TAF4: variants seen among roughly 807,000 people sequenced by gnomAD.
TAF4 encodes TATA-box binding protein associated factor 4.
A neutral mutation model predicts 90.3 loss-of-function variants in TAF4; 9 were observed. That is an observed-to-expected ratio of 0.10 (90% CI 0.06 to 0.17). The LOEUF is 0.17. TAF4 is among the 10% of genes least tolerant of loss of function. The probability of loss-of-function intolerance (pLI) is 1.00; values close to 1 mark genes in which losing one functional copy is unlikely to be tolerated. For synonymous variants in TAF4, 818 were observed against 638.9 expected (o/e 1.28, Z -4.23); for missense variants, 1,351 against 1,370.7 (o/e 0.99, Z 0.23).
intron 1 of TAF4, chr20:62,064,189 C>G (rs2056107039): frequency 2.6e-6 from 1 of 388,992 alleles, no homozygotes. Context: ...CACTCCGAAA[C>G]AGACCAGCCC....
chr20:62,003,893 G>C lies in TAF4; in HGVS notation c.2224-15C>G. On this transcript the variant is annotated splice_polypyrimidine_tract_variant and intron_variant, in intron 7 of 14. Transcript: ENST00000252996. ...TGCTGGATGACCTGAGGCAGAGCCAGCAGAGAATGGTGAGCATGCTCCCCG... is the reference window on the plus strand; with the variant it reads ...TGCTGGATGACCTGAGGCAGAGCCACCAGAGAATGGTGAGCATGCTCCCCG... 1 of 1,539,338 alleles carries C rather than the reference G, an allele frequency of 6.5e-7. No individual in the cohort carries two copies. The highest frequency in any genetic ancestry group is 8.7e-7 in the Non-Finnish European group (1 of 1,146,954).
At chr20:62,019,844 C>A (rs769961015) in intron 1 of TAF4, among the ~76,000 whole-genome samples, 29 of 152,236 alleles carry the variant, frequency 1.9e-4, no homozygotes, top group Admixed American at 1.1e-3. Context: ...GTAGAGCATG[C>A]GAAGCTGTGC....
intron 14 of TAF4, among the ~76,000 whole-genome samples, chr20:61,994,380 C>T (rs1206765367): frequency 6.6e-6 from 1 of 152,210 alleles, no homozygotes; most frequent in Non-Finnish European, 1.5e-5. Flanking sequence ...GGAATCTGTA[C>T]TTACTTACTT....
chr20:62,063,797 G>C (rs1336897169), intron 1 of TAF4, among the ~76,000 whole-genome samples: 1 of 152,250 alleles, frequency 6.6e-6, no homozygotes. Flanking sequence ...CTCTCAGCAA[G>C]GCTGCGCGCC....
Position 62,064,480 on chromosome 20 carries a change from G to A in TAF4, c.1331C>T (p.Thr444Ile). Residue 444 changes from threonine (T) to isoleucine (I), a missense_variant, in exon 1 of 15, where the codon ACC (threonine) becomes ATC (isoleucine). Transcript: ENST00000252996. ...GGGCAGCTGGAAGTTCTGGATGTTG[G>A]TCGGGTTCTGAGGCGGCTGCGGCAA... ...PRLPQPPQNP[T>I]NIQNFQLPPG... 4 of 1,499,370 alleles carry A rather than the reference G, an allele frequency of 2.7e-6. No individual in the cohort carries two copies. Among genetic ancestry groups the A allele is most frequent in the South Asian group, 2.6e-5 (2 of 76,874 alleles). 92.9% of individuals were successfully genotyped at this position (1,499,370 alleles called of 1,614,324 possible). A position where few individuals can be genotyped will look rare whatever the true frequency, so the allele number is the denominator to read the frequency against.
chr20:61,993,499 G>A (rs920496766), intron 14 of TAF4, among the ~76,000 whole-genome samples: 5 of 152,170 alleles, frequency 3.3e-5, no homozygotes, highest in Non-Finnish European at 7.3e-5. Context: ...GGGGTGGGAG[G>A]GCCCTACAGA....
chr20:62,003,110 C>CG, intron 9 of TAF4, 50 bp downstream of exon 9: 1 of 1,529,008 alleles, frequency 6.5e-7, no homozygotes, highest in African/African-American at 1.4e-5. Flanking sequence ...ACTCTGGACT[C>CG]TTCTCCGCTC....
At chr20:62,056,602 G>C (rs1405645071) in intron 1 of TAF4, among the ~76,000 whole-genome samples, 1 of 152,132 alleles carries the variant, frequency 6.6e-6, no homozygotes, top group Non-Finnish European at 1.5e-5. Flanking sequence ...AGGGCCAAGG[G>C]AAAGTGCACC....
rs772833914 is a variant in TAF4, at chr20:61,976,166, T to C, written c.*2A>G. ...TAAAAAGTCCCCAGGCGTCCTCCTGTGTCACTTAAGGAATGCTTTGTAGAG... is the reference window on the plus strand; with the variant it reads ...TAAAAAGTCCCCAGGCGTCCTCCTGCGTCACTTAAGGAATGCTTTGTAGAG... On this transcript the variant is annotated 3_prime_UTR_variant, in exon 15 of 15. Transcript: ENST00000252996. 19 of 1,613,682 alleles carry C rather than the reference T, an allele frequency of 1.2e-5. No individual in the cohort carries two copies. In the South Asian group the frequency reaches 1.8e-4, roughly 15 times the overall value.
At chr20:62,050,654 G>A (rs1009161084) in intron 1 of TAF4, among the ~76,000 whole-genome samples, 1 of 152,196 alleles carries the variant, frequency 6.6e-6, no homozygotes, top group African/African-American at 2.4e-5. Flanking sequence ...AGAGCCACAG[G>A]GCTCCGGAAC....
chr20:61,982,091 A>ACTCACAC (rs2055547307), intron 14 of TAF4, among the ~76,000 whole-genome samples: 1 of 134,594 alleles, frequency 7.4e-6, no homozygotes, highest in African/African-American at 2.8e-5. Flanking sequence ...GAGACACCAA[A>ACTCACAC]CCCACACAAC....
Position 62,010,127 on chromosome 20 carries a change from T to C in TAF4, c.1680A>G (p.Ser560=), listed in dbSNP as rs541073391. ...TCTGAACAGCCGTCGCCGTCCCAAG[T>C]GAAGCCGTCTGGGCAGCGCCACCCA... ...LVLGGAAQTA[S]LGTATAVQTG... Residue 560 remains serine, a synonymous_variant, in exon 4 of 15, where the codon TCA becomes TCG. Transcript: ENST00000252996. The surrounding 1 kb of genome is among the most constrained non-coding windows in gnomAD (Gnocchi z 4.5). 5.0e-6 allele frequency: 8 copies of C among 1,613,792 alleles called. No individual in the cohort carries two copies. Among genetic ancestry groups the C allele is most frequent in the South Asian group, 2.2e-5 (2 of 91,072 alleles).
intron 1 of TAF4, among the ~76,000 whole-genome samples, chr20:62,030,852 G>C (rs563669324): frequency 6.6e-6 from 1 of 152,282 alleles, no homozygotes; most frequent in African/African-American, 2.4e-5. Flanking sequence ...ACACGTGGCA[G>C]GGCCTGATTC....
chr20:62,002,736 T>C (rs1274890183), intron 9 of TAF4, among the ~76,000 whole-genome samples: 1 of 152,180 alleles, frequency 6.6e-6, no homozygotes, highest in Non-Finnish European at 1.5e-5. Flanking sequence ...CTCAAGCGAT[T>C]CTCCCACTTC....
rs867843226 is a variant in TAF4, at chr20:62,065,493, G to T, written c.318C>A (p.Gly106=). The T allele has an allele frequency of 1.0e-6, 1 of 970,014 alleles. No individual in the cohort carries two copies. Among genetic ancestry groups the T allele is most frequent in the Non-Finnish European group, 1.2e-6 (1 of 819,204 alleles). 60.1% of individuals were successfully genotyped at this position (970,014 alleles called of 1,614,324 possible). A position where few individuals can be genotyped will look rare whatever the true frequency, so the allele number is the denominator to read the frequency against. ...CAAGGGGGCGGCGCGGTGAGGGGGG[G>T]CCCGGGCGCTGCGGCCCCCCGCCCC... is the stretch of plus-strand genomic sequence containing the variant. ...RPGGGGPQRP[G]PPSPRRPLVP... is the part of the protein sequence containing the mutation. Residue 106 remains glycine, a synonymous_variant, in exon 1 of 15, where the codon GGC becomes GGA. Coordinates refer to ENST00000252996, the MANE Select transcript of TAF4 (RefSeq NM_003185.4).
chr20:62,032,251 T>C (rs562234203), intron 1 of TAF4, among the ~76,000 whole-genome samples: 148 of 152,298 alleles, frequency 9.7e-4, no homozygotes, highest in African/African-American at 2.8e-3. Context: ...CATGCTCAGA[T>C]TCCCTCCACC....
intron 1 of TAF4, among the ~76,000 whole-genome samples, chr20:62,018,643 G>C (rs981582362): frequency 1.6e-4 from 24 of 152,220 alleles, no homozygotes; most frequent in African/African-American, 5.5e-4. Flanking sequence ...AGCCACGTGG[G>C]ACACTGGCCG....
intron 1 of TAF4, among the ~76,000 whole-genome samples, chr20:62,063,915 C>G (rs1043825269): frequency 2.6e-5 from 4 of 152,256 alleles, no homozygotes; most frequent in African/African-American, 9.6e-5. Flanking sequence ...GGGCGTCGCG[C>G]CCCCGTCCTC....
intron 5 of TAF4, 76 bp from the exon 6 acceptor site, chr20:62,007,712 T>A: frequency 7.1e-7 from 1 of 1,405,930 alleles, no homozygotes; most frequent in Non-Finnish European, 9.8e-7. Context: ...ATCACTCTGG[T>A]CTCGTATTTT....
Sources: gnomAD v4.1 joint callset for allele counts (sites outside exome capture counted in the v4.1 genomes callset) on GRCh38, gnomAD v4.1.1 for gene constraint, Gnocchi (gnomAD v3.1) non-coding constraint, MANE v1.5 for transcripts, NCBI Gene and HGNC (gene_info 2026-07-23, HGNC 2026-07-21) for gene names.